The following TBC1D8B variants were observed in gnomAD, a reference collection of about 807,000 sequenced individuals.
TBC1D8B encodes the protein RP11-321G1.1.
Under a neutral mutation model 82.9 loss-of-function variants are expected in TBC1D8B, and 75 were observed. That is an observed-to-expected ratio of 0.90 (90% CI 0.75 to 1.10). The LOEUF is 1.10. TBC1D8B is among the 50% of genes least tolerant of loss of function. TBC1D8B has a pLI of 0.00. For missense variants in TBC1D8B, 794 were observed against 796.9 expected, an observed-to-expected ratio of 1.00 and a Z score of 0.04; for synonymous variants, 276 against 276.8, an observed-to-expected ratio of 1.00 and a Z score of 0.03.
chrX:106,851,509 C>T (rs1341864584), intron 12 of TBC1D8B, among the ~76,000 whole-genome samples: 3 of 111,664 alleles, frequency 2.7e-5, no homozygotes, highest in East Asian at 5.6e-4. Context: ...TGGTGTGCTG[C>T]ACCCATTAAC....
intron 14 of TBC1D8B, among the ~76,000 whole-genome samples, chrX:106,858,110 T>C (rs1291893193): frequency 1.8e-5 from 2 of 112,206 alleles, no homozygotes; most frequent in African/African-American, 6.5e-5. Context: ...ATCATCATTC[T>C]GATTGTGTGA....
At chrX:106,862,779 T>TG (rs1932786094) in intron 14 of TBC1D8B, among the ~76,000 whole-genome samples, 1 of 92,498 alleles carries the variant, frequency 1.1e-5, no homozygotes, top group African/African-American at 4.0e-5. Flanking sequence ...TTTTTTTGTT[T>TG]TTTTTTTTTT....
chrX:106,853,751 G>C (rs932611331), intron 13 of TBC1D8B, 101 bp downstream of exon 13: 13 of 857,868 alleles, frequency 1.5e-5, no homozygotes, highest in Non-Finnish European at 2.0e-5. Flanking sequence ...AATAATGCAA[G>C]TAGACATACA....
intron 11 of TBC1D8B, 39 bp from the exon 12 acceptor site, chrX:106,849,986 A>G: frequency 4.4e-6 from 5 of 1,146,756 alleles, no homozygotes; most frequent in Non-Finnish European, 5.8e-6. Flanking sequence ...AGTCCTTTTG[A>G]AAAATGTTTA....
chrX:106,806,397 A>T lies in TBC1D8B; in HGVS notation c.130+3414A>T, dbSNP rs144938346. 8.8e-3 allele frequency among the ~76,000 whole-genome samples: 991 copies of T among 112,096 alleles called. 17 individuals are homozygous for T. Among genetic ancestry groups the T allele is most frequent in the African/African-American group, 0.03 (940 of 30,875 alleles). Reference sequence around the variant, plus strand: ...CCTTATGTTATCTCTTGCTTCTCCTAGCTAATAATGACTTTTCTATGACAC... The same window carrying T: ...CCTTATGTTATCTCTTGCTTCTCCTTGCTAATAATGACTTTTCTATGACAC... On this transcript the variant is annotated intron_variant, in intron 1 of 20. Coordinates refer to ENST00000357242, the MANE Select transcript of TBC1D8B (RefSeq NM_017752.3).
rs143259354 is a variant in TBC1D8B at position 106,822,025 on chromosome X, C to T, written c.409C>T (p.Pro137Ser). 8.3e-7 allele frequency: 1 copy of T among 1,210,340 alleles called. No individual in the cohort carries two copies. The change falls in exon 4 of 21, where the codon CCT becomes TCT. Residue 137 changes from proline (P) to serine (S), a missense_variant. Pro to Ser is a moderately conservative substitution (Grantham distance 74). Transcript: ENST00000357242. ...GKHCFAKEDD[P>S]EKFREALLKF... is the part of the protein sequence containing the mutation. Reference sequence around the variant, plus strand: ...ACATTGTTTTGCAAAAGAAGATGATCCTGAGAAATTTCGAGAAGCCCTTTT... The same window carrying T: ...ACATTGTTTTGCAAAAGAAGATGATTCTGAGAAATTTCGAGAAGCCCTTTT...
intron 7 of TBC1D8B, chrX:106,827,988 T>G (rs2147738530): frequency 9.1e-6 from 1 of 110,409 alleles, no homozygotes; most frequent in Admixed American, 9.7e-5. Flanking sequence ...TTCAAAAAAT[T>G]AACGAATCCA....
intron 10 of TBC1D8B, among the ~76,000 whole-genome samples, chrX:106,841,752 G>T (rs759466008): frequency 8.9e-6 from 1 of 111,956 alleles, no homozygotes; most frequent in Non-Finnish European, 1.9e-5. Context: ...CAGGAACTTA[G>T]ACTGTAGACT....
chrX:106,830,578 A>T (rs1399589952), intron 7 of TBC1D8B, among the ~76,000 whole-genome samples: 1 of 111,142 alleles, frequency 9.0e-6, no homozygotes, highest in Non-Finnish European at 1.9e-5. Context: ...GGACTAAGAA[A>T]ATATGGCACA....
At chrX:106,815,753 G>A in intron 1 of TBC1D8B, 1 of 111,074 alleles carries the variant, frequency 9.0e-6, no homozygotes, top group Admixed American at 9.6e-5. Flanking sequence ...TCCTTGAAGA[G>A]GTCCTTCACA....
chrX:106,869,149 C>G (rs1932832023), intron 18 of TBC1D8B, among the ~76,000 whole-genome samples: 3 of 111,671 alleles, frequency 2.7e-5, no homozygotes, highest in Admixed American at 9.6e-5. Flanking sequence ...GCACACTCTT[C>G]TGACGTCCAG....
At position 106,866,809 on chromosome X, in the gene TBC1D8B, A is replaced by G. The variant is rs1211553731; in HGVS notation, c.2675A>G (p.Asn892Ser). The G allele has an allele frequency of 8.5e-7, 1 of 1,177,086 alleles. No homozygotes were observed. The highest frequency in any genetic ancestry group is 1.1e-6 in the Non-Finnish European group (1 of 873,832). Residue 892 changes from asparagine to serine, a missense_variant, in exon 17 of 21, where the codon AAT (asparagine) becomes AGT (serine). Transcript: ENST00000357242. Reference sequence around the variant, plus strand: ...TTTTATTGAACAGACATAATGTACAATGGAAGTTTTACTGAGAAGCTTAAG... The same window carrying G: ...TTTTATTGAACAGACATAATGTACAGTGGAAGTTTTACTGAGAAGCTTAAG... Reference protein sequence around the residue: ...EFSSAIDIMYNGSFTEKLKLL... With the variant: ...EFSSAIDIMYSGSFTEKLKLL...
At chrX:106,872,925 G>T (rs186364849) in intron 20 of TBC1D8B, among the ~76,000 whole-genome samples, 1 of 111,067 alleles carries the variant, frequency 9.0e-6, no homozygotes, top group Non-Finnish European at 1.9e-5. Context: ...AGCTATGATT[G>T]CACCATGGTA....
rs1242459972 is a variant in TBC1D8B at position 106,874,811 on chromosome X, G to T, written c.*846G>T. ...ACTGCTGTTTGTGGTATTTGTCTCA[G>T]AGTAGCTTATGACTGTTTTGGTTCT... On this transcript the variant is annotated 3_prime_UTR_variant, in exon 21 of 21. Transcript: ENST00000357242. 8.9e-6 allele frequency: 1 copy of T among 111,920 alleles called. No homozygotes were observed. The highest frequency in any genetic ancestry group is 1.9e-5 in the Non-Finnish European group (1 of 53,142). The allele number at this position is 111,920 out of a possible 1,213,427, so 9.2% of individuals were successfully genotyped here. A position where few individuals can be genotyped will look rare whatever the true frequency, so the allele number is the denominator to read the frequency against.
At chrX:106,816,540 T>C (rs904044641) in intron 1 of TBC1D8B, among the ~76,000 whole-genome samples, 1 of 111,133 alleles carries the variant, frequency 9.0e-6, no homozygotes, top group African/African-American at 3.3e-5. Flanking sequence ...TCCCTCATCC[T>C]CATTCCCATT....
intron 7 of TBC1D8B, chrX:106,828,117 C>T (rs1325817449): frequency 9.0e-6 from 1 of 111,024 alleles, no homozygotes; most frequent in East Asian, 2.8e-4. Flanking sequence ...ATATCACGAC[C>T]AATCCCACAG....
chrX:106,873,428 G>A, intron 20 of TBC1D8B, 142 bp from the exon 21 acceptor site: 1 of 592,559 alleles, frequency 1.7e-6, no homozygotes, highest in Non-Finnish European at 2.5e-6. Context: ...ATGTATTTTG[G>A]GGTTAATCAC....
chrX:106,868,551 T>G, intron 18 of TBC1D8B, 75 bp downstream of exon 18: 1 of 670,611 alleles, frequency 1.5e-6, no homozygotes, highest in South Asian at 7.4e-5. Flanking sequence ...TAGATATACT[T>G]TACCCAACTA....
At chrX:106,806,021 A>G (rs1429866581) in intron 1 of TBC1D8B, among the ~76,000 whole-genome samples, 3 of 112,696 alleles carry the variant, frequency 2.7e-5, no homozygotes, top group African/African-American at 9.7e-5. Context: ...CCATATGATA[A>G]TTGGTGGTAA....
Sources: gnomAD v4.1 joint callset for allele counts (sites outside exome capture counted in the v4.1 genomes callset) on GRCh38, gnomAD v4.1.1 for gene constraint, MANE v1.5 for transcripts, NCBI Gene and HGNC (gene_info 2026-07-23, HGNC 2026-07-21) for gene names.